CRYBG1: variants seen among roughly 807,000 people sequenced by gnomAD.
The protein encoded by CRYBG1 is crystallin beta-gamma domain containing 1.
A neutral mutation model predicts 189.2 loss-of-function variants in CRYBG1; 139 were observed. The ratio of observed to expected loss-of-function variants is 0.73; its 90% CI spans 0.64 to 0.85. CRYBG1 has a LOEUF of 0.85. Ranked by LOEUF, CRYBG1 falls within the 40% of genes least tolerant of loss-of-function variation. The pLI is 0.00. For missense variants in CRYBG1, 2,611 were observed against 2,675.8 expected, an observed-to-expected ratio of 0.98 and a Z score of 0.53; for synonymous variants, 1,023 against 1,017.1, an observed-to-expected ratio of 1.01 and a Z score of -0.11.
At position 106,551,967 on chromosome 6, in the gene CRYBG1, C is replaced by T. The variant is rs547146583; in HGVS notation, c.5428C>T (p.Pro1810Ser). 8 of 1,599,490 alleles carry T rather than the reference C, an allele frequency of 5.0e-6. No homozygotes were observed. In the South Asian group the frequency reaches 9.1e-5, roughly 18 times the overall value. ...AAATTGTAAGATCTCTTCTGTTCAA[C>T]CTATATGTTTGGTAAGGAGTTATAT... is the stretch of plus-strand genomic sequence containing the variant. ...GKNCKISSVQ[P>S]ICLDSFTGPR... Residue 1810 changes from proline to serine, a missense_variant, in exon 14 of 22, where the codon CCT (proline) becomes TCT (serine). Physicochemically the swap from Pro to Ser is moderately conservative, Grantham distance 74 (BLOSUM62 -1). Transcript: ENST00000633556.
At chr6:106,563,340 C>T (rs1439231667) in intron 20 of CRYBG1, among the ~76,000 whole-genome samples, 1 of 152,082 alleles carries the variant, frequency 6.6e-6, no homozygotes, top group Non-Finnish European at 1.5e-5. Flanking sequence ...TTTAGCCACC[C>T]AGTGCTACAA....
At chr6:106,527,245 G>A (rs1773760590) in intron 6 of CRYBG1, 60 bp from the exon 7 acceptor site, 2 of 1,447,712 alleles carry the variant, frequency 1.4e-6, no homozygotes, top group Admixed American at 4.5e-5. Context: ...CAGGTTATTT[G>A]AGTAATCAAA....
chr6:106,371,041 A>AT (rs898840365), intron 1 of CRYBG1, among the ~76,000 whole-genome samples: 15 of 152,308 alleles, frequency 9.8e-5, no homozygotes, highest in East Asian at 9.6e-4. Context: ...TCAATTCATG[A>AT]TTTTTTAAAA....
intron 2 of CRYBG1, among the ~76,000 whole-genome samples, chr6:106,462,395 G>A (rs1272794031): frequency 2.6e-5 from 4 of 152,136 alleles, no homozygotes; most frequent in African/African-American, 7.2e-5. Flanking sequence ...TCCTGACCTC[G>A]TGATCCGCCC....
At chr6:106,499,319 A>ATTTT (rs1162297886) in intron 2 of CRYBG1, among the ~76,000 whole-genome samples, 1 of 122,526 alleles carries the variant, frequency 8.2e-6, no homozygotes, top group Non-Finnish European at 1.7e-5. Flanking sequence ...CACCCGGCTA[A>ATTTT]TTTTTTTTTT....
At chr6:106,501,594 G>A (rs1271095714) in intron 2 of CRYBG1, among the ~76,000 whole-genome samples, 2 of 152,182 alleles carry the variant, frequency 1.3e-5, no homozygotes, top group African/African-American at 2.4e-5. Context: ...ACTGTCATAG[G>A]CTACTTTGTG....
intron 1 of CRYBG1, among the ~76,000 whole-genome samples, chr6:106,386,206 T>C (rs983063337): frequency 5.3e-5 from 8 of 152,240 alleles, no homozygotes; most frequent in African/African-American, 1.9e-4. Context: ...GCTTTCTTTT[T>C]GTTGGCAGTC....
At chr6:106,395,207 C>A (rs75265915) in intron 1 of CRYBG1, among the ~76,000 whole-genome samples, 2,310 of 151,598 alleles carry the variant, frequency 0.015, 53 homozygotes, top group African/African-American at 0.053. Flanking sequence ...TCAGTCTGGG[C>A]AACATGGTAA....
At chr6:106,518,905 T>C (rs1315589923) in intron 3 of CRYBG1, among the ~76,000 whole-genome samples, 1 of 151,836 alleles carries the variant, frequency 6.6e-6, no homozygotes. Flanking sequence ...GCTGCAGCAA[T>C]CTATGATCAC....
chr6:106,513,032 G>A lies in CRYBG1; in HGVS notation c.1915G>A (p.Val639Met). Residue 639 changes from valine (V) to methionine (M), a missense_variant, in exon 3 of 22, where the codon GTG becomes ATG. Physicochemically the swap from Val to Met is conservative, Grantham distance 21 (BLOSUM62 1). Around this residue, in one of 3 missense-constraint regions of CRYBG1, gnomAD observed 985 missense variants for 924.4 expected, o/e 1.07. Transcript: ENST00000633556. ...GGGCAGGTCGACAGTGACCACTAAAGTGACCCTGTAAGTAGCCGCGCAAGT... is the reference window on the plus strand; with the variant it reads ...GGGCAGGTCGACAGTGACCACTAAAATGACCCTGTAAGTAGCCGCGCAAGT... ...GVGRSTVTTK[V>M]TLPAKPKHVE... 6.2e-7 allele frequency: 1 copy of A among 1,602,004 alleles called. No homozygotes were observed.
rs1774964061 is a variant in CRYBG1, at chr6:106,568,616, C to A, written c.*50C>A. ...GGAGGTCCTTCCAGCCACCTTATTT[C>A]TTAAAAAGGACAATGCTGATGGAAG... On this transcript the variant is annotated 3_prime_UTR_variant, in exon 22 of 22. Transcript: ENST00000633556. 1 of 1,395,716 alleles carries A rather than the reference C, an allele frequency of 7.2e-7. No homozygotes were observed. Among genetic ancestry groups the A allele is most frequent in the Non-Finnish European group, 1.0e-6 (1 of 985,990 alleles). 86.5% of individuals were successfully genotyped at this position (1,395,716 alleles called of 1,614,324 possible).
At chr6:106,498,160 C>A (rs2114504621) in intron 2 of CRYBG1, among the ~76,000 whole-genome samples, 1 of 150,190 alleles carries the variant, frequency 6.7e-6, no homozygotes, top group East Asian at 2.0e-4. Flanking sequence ...ACTGAAAGGC[C>A]AATAGGTATA....
intron 1 of CRYBG1, among the ~76,000 whole-genome samples, chr6:106,396,834 A>G (rs570041853): frequency 1.3e-5 from 2 of 152,326 alleles, no homozygotes; most frequent in Admixed American, 6.5e-5. Context: ...GGTGCATACC[A>G]TCACACCCAG....
rs953393285 is a variant in CRYBG1, at chr6:106,371,811, G to C, written c.173+10730G>C. Among the ~76,000 whole-genome samples, 4 of 152,162 alleles carry C rather than the reference G, an allele frequency of 2.6e-5. No homozygotes were observed. In the South Asian group the frequency reaches 8.3e-4, roughly 31 times the overall value. Reference sequence around the variant, plus strand: ...TACTAATTTGCATTTTGTGATTGTCGTAATGTTACCCTGTAAAAGGTTTCA... The same window carrying C: ...TACTAATTTGCATTTTGTGATTGTCCTAATGTTACCCTGTAAAAGGTTTCA... On this transcript the variant is annotated intron_variant, in intron 1 of 21. Transcript: ENST00000633556.
intron 1 of CRYBG1, among the ~76,000 whole-genome samples, chr6:106,389,353 A>G (rs803528): frequency 6.6e-6 from 1 of 152,050 alleles, no homozygotes; most frequent in African/African-American, 2.4e-5. Flanking sequence ...TAAATTGGGC[A>G]CCCTTGATTT....
chr6:106,388,001 AG>A (rs1289147559), intron 1 of CRYBG1, among the ~76,000 whole-genome samples: 1 of 152,098 alleles, frequency 6.6e-6, no homozygotes, highest in East Asian at 1.9e-4. Flanking sequence ...GTGCCAGGTT[AG>A]GGCATTGGTA....
chr6:106,544,955 G>C (rs778523723), intron 13 of CRYBG1, 22 bp downstream of exon 13: 10 of 1,585,894 alleles, frequency 6.3e-6, no homozygotes, highest in Non-Finnish European at 8.5e-6. Context: ...AATCCAGTTG[G>C]AATTTTAAAC....
At chr6:106,371,972 G>A (rs776172920) in intron 1 of CRYBG1, among the ~76,000 whole-genome samples, 1 of 152,178 alleles carries the variant, frequency 6.6e-6, no homozygotes, top group Non-Finnish European at 1.5e-5. Context: ...GCTGATAACT[G>A]TTGACAATGT....
At chr6:106,471,024 A>G (rs1272342534) in intron 2 of CRYBG1, among the ~76,000 whole-genome samples, 1 of 152,212 alleles carries the variant, frequency 6.6e-6, no homozygotes, top group Non-Finnish European at 1.5e-5. Context: ...ACCCAAATAC[A>G]CATTGTTCTT....
Sources: gnomAD v4.1 joint callset for allele counts (sites outside exome capture counted in the v4.1 genomes callset) on GRCh38, gnomAD v4.1.1 for gene constraint, gnomAD v4.1.1 regional missense constraint, MANE v1.5 for transcripts, NCBI Gene and HGNC (gene_info 2026-07-23, HGNC 2026-07-21) for gene names.